GRID2: variants seen among roughly 807,000 people sequenced by gnomAD.
GRID2 encodes glutamate receptor ionotropic, delta-2.
In GRID2, 33 loss-of-function variants were observed where a neutral mutation model predicts 114.8. The observed-to-expected ratio is 0.29, with a 90% CI of 0.22 to 0.38. The LOEUF (loss-of-function observed/expected upper bound fraction) is 0.38, where lower values mean the gene tolerates loss of function less well. Ranked by LOEUF, GRID2 falls within the 10% of genes least tolerant of loss-of-function variation. The pLI is 1.00. For synonymous variants in GRID2, 505 were observed against 449.9 expected, an observed-to-expected ratio of 1.12 and a Z score of -1.55; for missense variants, 1,184 against 1,257.7, an observed-to-expected ratio of 0.94 and a Z score of 0.89.
chr4:92,874,415 CA>C (rs1488831792), intron 2 of GRID2, among the ~76,000 whole-genome samples: 2 of 152,058 alleles, frequency 1.3e-5, no homozygotes, highest in Admixed American at 1.3e-4. Context: ...CATTTTAAAA[CA>C]AATATAATAT....
chr4:92,840,466 C>CT (rs927690490), intron 2 of GRID2, among the ~76,000 whole-genome samples: 13 of 151,202 alleles, frequency 8.6e-5, no homozygotes, highest in Non-Finnish European at 1.3e-4. Context: ...GATTTAGTGT[C>CT]TTTTTTTTTA....
intron 2 of GRID2, among the ~76,000 whole-genome samples, chr4:92,647,543 A>G (rs1731712493): frequency 6.7e-6 from 1 of 149,450 alleles, no homozygotes; most frequent in South Asian, 2.1e-4. Context: ...CATTTATAAA[A>G]CTGTGGCTCC....
At chr4:92,809,529 G>C (rs1398089510) in intron 2 of GRID2, among the ~76,000 whole-genome samples, 1 of 151,798 alleles carries the variant, frequency 6.6e-6, no homozygotes, top group East Asian at 1.9e-4. Flanking sequence ...TCAAATCCTA[G>C]ATTCTTAGAT....
At chr4:93,000,485 T>C (rs982757751) in intron 2 of GRID2, among the ~76,000 whole-genome samples, 3 of 151,726 alleles carry the variant, frequency 2.0e-5, no homozygotes, top group African/African-American at 7.2e-5. Flanking sequence ...TATAGCTTAT[T>C]AAAAATAATC....
chr4:92,383,917 G>A (rs1729738721), intron 1 of GRID2, among the ~76,000 whole-genome samples: 1 of 151,826 alleles, frequency 6.6e-6, no homozygotes, highest in Non-Finnish European at 1.5e-5. Flanking sequence ...TCCACTCTTT[G>A]CTCCCAAAGA....
intron 2 of GRID2, among the ~76,000 whole-genome samples, chr4:92,712,825 T>A (rs1735320224): frequency 6.6e-6 from 1 of 152,076 alleles, no homozygotes. Context: ...TTCACATGAA[T>A]TACCATCAAT....
At chr4:93,465,467 T>G (rs1326177475) in intron 11 of GRID2, among the ~76,000 whole-genome samples, 1 of 152,228 alleles carries the variant, frequency 6.6e-6, no homozygotes, top group East Asian at 1.9e-4. Flanking sequence ...TTTTTACCAC[T>G]TACTAGCTAT....
chr4:92,981,348 C>G (rs910955118), intron 2 of GRID2, among the ~76,000 whole-genome samples: 1 of 151,914 alleles, frequency 6.6e-6, no homozygotes, highest in African/African-American at 2.4e-5. Flanking sequence ...CACTCTGTTC[C>G]TTAGATGTAG....
intron 2 of GRID2, among the ~76,000 whole-genome samples, chr4:92,624,620 T>A (rs907177883): frequency 6.6e-6 from 1 of 151,840 alleles, no homozygotes; most frequent in Non-Finnish European, 1.5e-5. Context: ...TTTAAACTTT[T>A]CCTTTCAGAG....
intron 12 of GRID2, among the ~76,000 whole-genome samples, chr4:93,491,096 A>AG (rs1726958550): frequency 6.6e-6 from 1 of 151,920 alleles, no homozygotes; most frequent in South Asian, 2.1e-4. Context: ...GTGAAAAGGA[A>AG]GAAAAAAAAG....
chr4:93,187,789 AAAG>A (rs1740576048), intron 4 of GRID2, among the ~76,000 whole-genome samples: 1 of 152,190 alleles, frequency 6.6e-6, no homozygotes, highest in African/African-American at 2.4e-5. Flanking sequence ...TCCATTCCAA[AAAG>A]AAGAAATAGA....
At chr4:92,352,605 C>A (rs954764543) in intron 1 of GRID2, among the ~76,000 whole-genome samples, 1 of 151,876 alleles carries the variant, frequency 6.6e-6, no homozygotes, top group African/African-American at 2.4e-5. Context: ...TTATACTAAT[C>A]CACTTAGGTG....
intron 2 of GRID2, among the ~76,000 whole-genome samples, chr4:92,765,362 C>T (rs1020818549): frequency 6.6e-6 from 1 of 152,092 alleles, no homozygotes; most frequent in African/African-American, 2.4e-5. Context: ...TAAAAATCGA[C>T]GTCCAAACTC....
chr4:92,324,412 G>A lies in GRID2; in HGVS notation c.88+19668G>A, dbSNP rs1386028248. Among the ~76,000 whole-genome samples the A allele has an allele frequency of 3.3e-5, 5 of 151,852 alleles. 1 individual carries two copies. Among genetic ancestry groups the A allele is most frequent in the Non-Finnish European group, 5.9e-5 (4 of 67,920 alleles). On this transcript the variant is annotated intron_variant, in intron 1 of 15. Coordinates refer to ENST00000282020, the MANE Select transcript of GRID2 (RefSeq NM_001510.4). The stretch of plus-strand genomic sequence containing the variant: ...CAGAAACATGTCACTATGTATACAT[G>A]TATTTGCTTGGGAATATTTTAAATT...
At chr4:93,166,001 A>C (rs540866413) in intron 4 of GRID2, 1 of 152,286 alleles carries the variant, frequency 6.6e-6, no homozygotes, top group South Asian at 2.1e-4. Flanking sequence ...GCACTAAATC[A>C]TATGTATAGG....
chr4:93,638,140 C>G (rs994886623), intron 14 of GRID2, among the ~76,000 whole-genome samples: 5 of 151,970 alleles, frequency 3.3e-5, no homozygotes, highest in Non-Finnish European at 5.9e-5. Context: ...AAATATGTAC[C>G]TCAATGTGTT....
intron 1 of GRID2, among the ~76,000 whole-genome samples, chr4:92,534,588 T>C (rs1311140999): frequency 6.6e-6 from 1 of 152,138 alleles, no homozygotes; most frequent in Non-Finnish European, 1.5e-5. Context: ...ATTTAAGTGT[T>C]ACTATGTTCT....
intron 4 of GRID2, among the ~76,000 whole-genome samples, chr4:93,132,816 G>T (rs1338578185): frequency 6.6e-6 from 1 of 152,134 alleles, no homozygotes; most frequent in African/African-American, 2.4e-5. Context: ...CTTCGAAATA[G>T]CTCAATCAGT....
At chr4:93,196,235 A>T (rs1344479543) in intron 4 of GRID2, among the ~76,000 whole-genome samples, 1 of 152,140 alleles carries the variant, frequency 6.6e-6, no homozygotes, top group Non-Finnish European at 1.5e-5. Flanking sequence ...ACTATGAAAG[A>T]AATTTTAGAA....
Sources: gnomAD v4.1 joint callset for allele counts (sites outside exome capture counted in the v4.1 genomes callset) on GRCh38, gnomAD v4.1.1 for gene constraint, MANE v1.5 for transcripts, NCBI Gene and HGNC (gene_info 2026-07-23, HGNC 2026-07-21) for gene names.